ITGB3BP: variants seen among roughly 807,000 people sequenced by gnomAD.
ITGB3BP encodes the protein centromere protein R.
In ITGB3BP, 27 loss-of-function variants were observed where a neutral mutation model predicts 29.1. The observed-to-expected ratio is 0.93, with a 90% CI of 0.68 to 1.28. The LOEUF (loss-of-function observed/expected upper bound fraction) is 1.28. Ranked by LOEUF, ITGB3BP falls within the 50% of genes most tolerant of loss-of-function variation. The pLI, the probability that ITGB3BP is intolerant of heterozygous loss-of-function variation, is 0.00. For missense variants in ITGB3BP, 192 were observed against 200.2 expected, an observed-to-expected ratio of 0.96 and a Z score of 0.25; for synonymous variants, 61 against 61.4, an observed-to-expected ratio of 0.99 and a Z score of 0.03.
chr1:63,475,676 T>C (rs1429159229), intron 4 of ITGB3BP, among the ~76,000 whole-genome samples: 1 of 152,028 alleles, frequency 6.6e-6, no homozygotes, highest in Non-Finnish European at 1.5e-5. Flanking sequence ...TAGAACTGAG[T>C]TATTTTAATG....
intron 7 of ITGB3BP, among the ~76,000 whole-genome samples, chr1:63,448,513 A>G (rs909846982): frequency 2.0e-5 from 3 of 152,152 alleles, no homozygotes; most frequent in South Asian, 2.1e-4. Flanking sequence ...ATAATTACCA[A>G]GTCCTGCTTT....
At chr1:63,458,778 C>G (rs1055697896) in intron 4 of ITGB3BP, among the ~76,000 whole-genome samples, 5 of 152,108 alleles carry the variant, frequency 3.3e-5, no homozygotes, top group Admixed American at 2.0e-4. Flanking sequence ...AATAAAGTGC[C>G]TGCAGTTATG....
At chr1:63,510,240 C>T in intron 1 of ITGB3BP, 1 of 433,406 alleles carries the variant, frequency 2.3e-6, no homozygotes, top group South Asian at 5.7e-5. Context: ...TTAAACAGTA[C>T]AGCATTTCTT....
chr1:63,452,636 T>TCTTTC, intron 7 of ITGB3BP, among the ~76,000 whole-genome samples: 1 of 150,472 alleles, frequency 6.6e-6, no homozygotes, highest in Non-Finnish European at 1.5e-5. Context: ...TTTCTTTCTT[T>TCTTTC]TTTTTTTTTT....
chr1:63,464,753 CAAT>C (rs1449423937), intron 4 of ITGB3BP, among the ~76,000 whole-genome samples: 2 of 152,074 alleles, frequency 1.3e-5, no homozygotes, highest in African/African-American at 2.4e-5. Flanking sequence ...TAAAATTCAT[CAAT>C]AATAGGACAA....
At chr1:63,509,714 G>T (rs758005123) in intron 1 of ITGB3BP, among the ~76,000 whole-genome samples, 27 of 152,268 alleles carry the variant, frequency 1.8e-4, no homozygotes, top group Non-Finnish European at 3.5e-4. Flanking sequence ...CTGGTTTAAA[G>T]AATTATTTAT....
chr1:63,476,429 C>T (rs1281562484), intron 4 of ITGB3BP, among the ~76,000 whole-genome samples: 2 of 152,048 alleles, frequency 1.3e-5, no homozygotes, highest in Non-Finnish European at 2.9e-5. Flanking sequence ...ATTATAACAC[C>T]AATTCATGGA....
intron 8 of ITGB3BP, among the ~76,000 whole-genome samples, chr1:63,442,160 T>C (rs1644738851): frequency 6.6e-6 from 1 of 150,762 alleles, no homozygotes; most frequent in Non-Finnish European, 1.5e-5. Flanking sequence ...CCCATAACAC[T>C]GCTTATTCTT....
intron 7 of ITGB3BP, among the ~76,000 whole-genome samples, chr1:63,451,008 T>C (rs1511053): frequency 1.1e-3 from 162 of 152,076 alleles, no homozygotes; most frequent in African/African-American, 3.8e-3. Context: ...GTGTTATTTT[T>C]ATAATTCTAC....
intron 4 of ITGB3BP, among the ~76,000 whole-genome samples, chr1:63,472,932 G>T (rs377402205): frequency 6.6e-6 from 1 of 151,900 alleles, no homozygotes; most frequent in Non-Finnish European, 1.5e-5. Context: ...CTGCCTGGCC[G>T]CCCATCATCT....
At chr1:63,494,287 T>C (rs56055540) in intron 2 of ITGB3BP, among the ~76,000 whole-genome samples, 3,630 of 152,100 alleles carry the variant, frequency 0.024, 62 homozygotes, top group Middle Eastern at 0.085. Context: ...TCCGGCTAAT[T>C]TGTGTATTTT....
intron 2 of ITGB3BP, among the ~76,000 whole-genome samples, chr1:63,497,712 C>A (rs1645823507): frequency 6.9e-6 from 1 of 144,584 alleles, no homozygotes. Context: ...GTGCAAAAGT[C>A]TGAATTCATG....
chr1:63,455,841 A>T (rs1279226097), intron 4 of ITGB3BP, among the ~76,000 whole-genome samples: 1 of 152,040 alleles, frequency 6.6e-6, no homozygotes. Context: ...AATTTTTAGT[A>T]GCCACACTAA....
intron 4 of ITGB3BP, among the ~76,000 whole-genome samples, chr1:63,461,083 CAAAAA>C (rs35518465): frequency 1.4e-4 from 14 of 97,586 alleles, no homozygotes; most frequent in Admixed American, 2.3e-4. Flanking sequence ...ACTAAAACTA[CAAAAA>C]AAAAAAAAAA....
At chr1:63,514,301 T>C (rs185824510) in intron 1 of ITGB3BP, among the ~76,000 whole-genome samples, 4 of 152,338 alleles carry the variant, frequency 2.6e-5, no homozygotes, top group Admixed American at 2.6e-4. Context: ...CCATTATGAG[T>C]AAAGCTTCCA....
chr1:63,481,010 T>TAG (rs1377685863), intron 3 of ITGB3BP, among the ~76,000 whole-genome samples: 1 of 152,170 alleles, frequency 6.6e-6, no homozygotes, highest in East Asian at 1.9e-4. Context: ...AGGTCAATAC[T>TAG]AGTTTCCTGA....
intron 2 of ITGB3BP, among the ~76,000 whole-genome samples, chr1:63,503,280 T>G (rs1340082136): frequency 2.0e-5 from 3 of 152,210 alleles, no homozygotes; most frequent in Non-Finnish European, 4.4e-5. Context: ...GATGAGCATT[T>G]TTTCATGTGT....
chr1:63,480,466 T>A (rs1645418575), intron 3 of ITGB3BP, among the ~76,000 whole-genome samples: 1 of 152,154 alleles, frequency 6.6e-6, no homozygotes, highest in South Asian at 2.1e-4. Flanking sequence ...GTCTTAAATA[T>A]ACTGGCTTTT....
intron 8 of ITGB3BP, among the ~76,000 whole-genome samples, chr1:63,443,445 G>A (rs902320070): frequency 2.0e-5 from 3 of 152,166 alleles, no homozygotes; most frequent in Non-Finnish European, 1.5e-5. Flanking sequence ...GGCACTTTCT[G>A]GGGAAGGTGT....
Sources: gnomAD v4.1 joint callset for allele counts (sites outside exome capture counted in the v4.1 genomes callset) on GRCh38, gnomAD v4.1.1 for gene constraint, MANE v1.5 for transcripts, NCBI Gene and HGNC (gene_info 2026-07-23, HGNC 2026-07-21) for gene names.